NCKAP1: variants seen among roughly 807,000 people sequenced by gnomAD.
NCKAP1 encodes the protein NCK associated protein 1.
In NCKAP1, 21 loss-of-function variants were observed where a neutral mutation model predicts 151.2. The observed-to-expected ratio is 0.14, with a 90% CI of 0.10 to 0.20. The LOEUF is 0.20. NCKAP1 is among the 10% of genes least tolerant of loss of function. The pLI, the probability that NCKAP1 is intolerant of heterozygous loss-of-function variation, is 1.00. For missense variants in NCKAP1, 933 were observed against 1,352.1 expected, an observed-to-expected ratio of 0.69 and a Z score of 4.86; for synonymous variants, 484 against 451.8, an observed-to-expected ratio of 1.07 and a Z score of -0.90.
At chr2:182,926,666 A>G in intron 30 of NCKAP1, 150 bp downstream of exon 30, 1 of 534,938 alleles carries the variant, frequency 1.9e-6, no homozygotes, top group Non-Finnish European at 3.3e-6. Flanking sequence ...GAGTGATGTC[A>G]GTCTTCTCTG....
At chr2:182,970,334 T>A (rs1697661300) in intron 15 of NCKAP1, among the ~76,000 whole-genome samples, 1 of 152,148 alleles carries the variant, frequency 6.6e-6, no homozygotes, top group South Asian at 2.1e-4. Context: ...CAGGCCATCA[T>A]CACTTACGAA....
chr2:182,944,661 A>C (rs1697063879), intron 23 of NCKAP1, among the ~76,000 whole-genome samples: 1 of 152,250 alleles, frequency 6.6e-6, no homozygotes, highest in South Asian at 2.1e-4. Context: ...TAATTAGCAC[A>C]CAAATTACCC....
chr2:183,036,457 C>A (rs1699104057), intron 1 of NCKAP1, among the ~76,000 whole-genome samples: 1 of 152,140 alleles, frequency 6.6e-6, no homozygotes, highest in South Asian at 2.1e-4. Context: ...TTAAGCAGCA[C>A]AATCTCCCCG....
intron 2 of NCKAP1, among the ~76,000 whole-genome samples, chr2:183,009,913 G>A (rs1222303547): frequency 6.6e-6 from 1 of 152,160 alleles, no homozygotes; most frequent in Non-Finnish European, 1.5e-5. Flanking sequence ...GTAGGGACAA[G>A]CTAAAGAAAA....
intron 23 of NCKAP1, 63 bp downstream of exon 23, chr2:182,952,342 T>C: frequency 1.9e-6 from 2 of 1,047,444 alleles, no homozygotes; most frequent in South Asian, 3.2e-5. Context: ...TTGTTGCTCA[T>C]ATCCCTGAAA....
chr2:182,978,830 T>A lies in NCKAP1; in HGVS notation c.1423+4A>T, dbSNP rs955719389. 23 of 1,534,794 alleles carry A rather than the reference T, an allele frequency of 1.5e-5. No individual in the cohort carries two copies. The Admixed American group carries it at 3.0e-4, about 20-fold the overall frequency. On this transcript the variant is annotated splice_donor_region_variant and intron_variant, in intron 14 of 30. Coordinates refer to ENST00000361354, the MANE Select transcript of NCKAP1 (RefSeq NM_013436.5). ...AATATGCTTTTATTTAAAAGGCTTA[T>A]TACCTTGTTTTACACTTAGGGAAGT...
intron 6 of NCKAP1, among the ~76,000 whole-genome samples, chr2:183,001,198 G>C (rs541588409): frequency 2.2e-4 from 33 of 152,288 alleles, no homozygotes; most frequent in African/African-American, 7.9e-4. Context: ...TTCAGTTCTA[G>C]TTTTGCCACT....
At position 182,957,679 on chromosome 2, in the gene NCKAP1, T is replaced by C. The variant is rs762789661; in HGVS notation, c.1882-83A>G. ...ACTATTCAAGCAAACAGTAGCTGAA[T>C]CCAGGCTGTGTTGCAAATATCACAA... On this transcript the variant is annotated intron_variant, in intron 18 of 30. Transcript: ENST00000361354. 407 of 1,403,552 alleles carry C rather than the reference T, an allele frequency of 2.9e-4. 3 individuals carry two copies. The Middle Eastern group carries it at 0.012, about 42-fold the overall frequency. 86.9% of individuals were successfully genotyped at this position (1,403,552 alleles called of 1,614,324 possible). A position where few individuals can be genotyped will look rare whatever the true frequency, so the allele number is the denominator to read the frequency against.
chr2:182,919,674 C>CA lies in NCKAP1; in HGVS notation c.*6027dup, dbSNP rs1696519915. The stretch of plus-strand genomic sequence containing the variant: ...ATTATAATTTTTTTTTTTTTTGAGA[C>CA]AGAGTCTTGTTCTGTTGCCCAGGCT... On this transcript the variant is annotated 3_prime_UTR_variant, in exon 31 of 31. Coordinates refer to ENST00000361354, the MANE Select transcript of NCKAP1 (RefSeq NM_013436.5). 1 of 144,688 alleles carries CA rather than the reference C, an allele frequency of 6.9e-6. No homozygotes were observed. Among genetic ancestry groups the CA allele is most frequent in the Non-Finnish European group, 1.5e-5 (1 of 66,722 alleles). The allele number at this position is 144,688 out of a possible 1,614,324, so 9.0% of individuals were successfully genotyped here. A position where few individuals can be genotyped will look rare whatever the true frequency, so the allele number is the denominator to read the frequency against.
In NCKAP1 at chr2:182,922,392, AAAG is replaced by A. The variant is rs1696566078; in HGVS notation, c.*3307_*3309del. On this transcript the variant is annotated 3_prime_UTR_variant, in exon 31 of 31. Transcript: ENST00000361354. Reference sequence around the variant, plus strand: ...AATTTGTGAACTCTGCTATATAAGCAAAGAAGAAAGCAAGCAAGCACATGATCA... The same window carrying A: ...AATTTGTGAACTCTGCTATATAAGCAAAGAAAGCAAGCAAGCACATGATCA... 1 of 152,262 alleles carries A rather than the reference AAAG, an allele frequency of 6.6e-6. No homozygotes were observed. The highest frequency in any genetic ancestry group is 2.1e-4 in the South Asian group (1 of 4,832). 9.4% of individuals were successfully genotyped at this position (152,262 alleles called of 1,614,324 possible).
chr2:182,949,377 G>C (rs1333599074), intron 23 of NCKAP1, among the ~76,000 whole-genome samples: 1 of 152,138 alleles, frequency 6.6e-6, no homozygotes, highest in Non-Finnish European at 1.5e-5. Flanking sequence ...ATGTGAGCGT[G>C]CGTAAGTTAT....
At chr2:182,933,716 G>GCCC (rs1696813183) in intron 26 of NCKAP1, among the ~76,000 whole-genome samples, 1 of 151,970 alleles carries the variant, frequency 6.6e-6, no homozygotes, top group East Asian at 1.9e-4. Flanking sequence ...TGCCCAGCCT[G>GCCC]AGTGGCACCA....
At chr2:183,010,163 C>T (rs1698565339) in intron 2 of NCKAP1, among the ~76,000 whole-genome samples, 1 of 152,188 alleles carries the variant, frequency 6.6e-6, no homozygotes, top group Non-Finnish European at 1.5e-5. Flanking sequence ...CTCCATTAAG[C>T]ACTGTTGTCT....
chr2:182,950,944 T>C (rs1021095946), intron 23 of NCKAP1, among the ~76,000 whole-genome samples: 1 of 152,108 alleles, frequency 6.6e-6, no homozygotes, highest in Admixed American at 6.6e-5. Flanking sequence ...GTGATTCTCC[T>C]GCCTCAGCCT....
chr2:182,959,084 T>G (rs952272969), intron 18 of NCKAP1, among the ~76,000 whole-genome samples: 2 of 152,228 alleles, frequency 1.3e-5, no homozygotes, highest in Non-Finnish European at 2.9e-5. Flanking sequence ...GTTTACATAG[T>G]ATCTCCATTG....
At chr2:182,927,378 G>T (rs1297752065) in intron 29 of NCKAP1, 1 of 152,202 alleles carries the variant, frequency 6.6e-6, no homozygotes, top group Non-Finnish European at 1.5e-5. Flanking sequence ...CCTTGAAATA[G>T]AAGTTATTTT....
In NCKAP1 at chr2:182,967,279, T is replaced by G; in HGVS notation, c.1565A>C (p.His522Pro). ...LGKMMNTIIF[H>P]TKMVDSLVEM... is the part of the protein sequence containing the mutation. ...CACCAAGGAATCTACCATTTTTGTA[T>G]GAAAAATTATTGTATTCATCATCTT... The change falls in exon 16 of 31, where the codon CAT (histidine) becomes CCT (proline). Residue 522 changes from histidine to proline, a missense_variant. By Grantham distance (77) the His-to-Pro change is moderately conservative. This residue lies in a region of NCKAP1 where 607 missense variants were observed against 795.0 expected (regional missense o/e 0.76). Transcript: ENST00000361354. 1 of 1,612,022 alleles carries G rather than the reference T, an allele frequency of 6.2e-7. No individual in the cohort carries two copies. The highest frequency in any genetic ancestry group is 8.5e-7 in the Non-Finnish European group (1 of 1,178,840).
intron 18 of NCKAP1, among the ~76,000 whole-genome samples, chr2:182,957,957 G>A (rs1012724240): frequency 2.0e-5 from 3 of 152,162 alleles, no homozygotes; most frequent in African/African-American, 7.2e-5. Flanking sequence ...AAAAAACTGT[G>A]TAAAGATATG....
chr2:183,004,948 CCAGA>C, intron 2 of NCKAP1, among the ~76,000 whole-genome samples: 1 of 151,230 alleles, frequency 6.6e-6, no homozygotes, highest in South Asian at 2.1e-4. Context: ...CCCCTAAATA[CCAGA>C]CAAATTAAGA....
Sources: gnomAD v4.1 joint callset for allele counts (sites outside exome capture counted in the v4.1 genomes callset) on GRCh38, gnomAD v4.1.1 for gene constraint, gnomAD v4.1.1 regional missense constraint, MANE v1.5 for transcripts, NCBI Gene and HGNC (gene_info 2026-07-23, HGNC 2026-07-21) for gene names.